The following ADAMTSL1 variants were observed in gnomAD, a reference collection of about 807,000 sequenced individuals.
ADAMTSL1 encodes the protein ADAMTS like 1, also known as ADAMTS-like protein 1.
Under a neutral mutation model 201.8 loss-of-function variants are expected in ADAMTSL1, and 126 were observed. The observed-to-expected ratio is 0.62, with a 90% CI of 0.54 to 0.72. ADAMTSL1 has a LOEUF of 0.72. Among genes scored for constraint, ADAMTSL1 ranks in the 30% least tolerant of loss-of-function variants. The pLI is 0.00. For missense variants in ADAMTSL1, 2,679 were observed against 2,277.8 expected (o/e 1.18, Z -3.59); for synonymous variants, 1,121 against 903.4 (o/e 1.24, Z -4.32).
intron 5 of ADAMTSL1, among the ~76,000 whole-genome samples, chr9:18,635,388 G>C (rs1424775692): frequency 6.6e-6 from 1 of 152,066 alleles, no homozygotes; most frequent in Non-Finnish European, 1.5e-5. Flanking sequence ...GTAGAGAAAT[G>C]TTAAGAAACA....
chr9:18,408,185 A>C (rs1390666267), intron 2 of ADAMTSL1, among the ~76,000 whole-genome samples: 1 of 152,144 alleles, frequency 6.6e-6, no homozygotes, highest in East Asian at 1.9e-4. Flanking sequence ...AAGTATATTA[A>C]GGGCCAGGCG....
chr9:18,147,570 G>A (rs1826699208), intron 1 of ADAMTSL1, among the ~76,000 whole-genome samples: 1 of 152,136 alleles, frequency 6.6e-6, no homozygotes, highest in Non-Finnish European at 1.5e-5. Flanking sequence ...GGCTACCCAA[G>A]AAGCAGATGT....
At chr9:18,258,662 A>G (rs1028598426) in intron 2 of ADAMTSL1, among the ~76,000 whole-genome samples, 27 of 152,246 alleles carry the variant, frequency 1.8e-4, no homozygotes, top group African/African-American at 6.0e-4. Context: ...CGCCCGCATC[A>G]TCGATCTTTC....
intron 2 of ADAMTSL1, among the ~76,000 whole-genome samples, chr9:18,184,647 C>A (rs13299050): frequency 0.22 from 33,629 of 152,086 alleles, 3,870 homozygotes; most frequent in Non-Finnish European, 0.26. Context: ...CCAGAGATTC[C>A]CTCAATCCAC....
chr9:18,715,846 G>A (rs1032018223), intron 14 of ADAMTSL1, among the ~76,000 whole-genome samples: 1 of 151,852 alleles, frequency 6.6e-6, no homozygotes, highest in Non-Finnish European at 1.5e-5. Context: ...ATACTACAAG[G>A]CTACAGTAAC....
At chr9:18,048,400 A>G (rs1821768470) in intron 1 of ADAMTSL1, among the ~76,000 whole-genome samples, 1 of 152,194 alleles carries the variant, frequency 6.6e-6, no homozygotes, top group African/African-American at 2.4e-5. Flanking sequence ...TGGAACAGAA[A>G]AAAATACATT....
Position 17,942,212 on chromosome 9 carries a change from T to C in ADAMTSL1, c.87+35290T>C, listed in dbSNP as rs924815903. ...TCTGTTTGGGATGATGAAAAAGTTC[T>C]GTAAATGGATGGTGATGTGATGAGT... On this transcript the variant is annotated intron_variant, in intron 1 of 29. Coordinates refer to the ADAMTSL1 transcript ENST00000680146. Among the ~76,000 whole-genome samples, 5 of 152,264 alleles carry C rather than the reference T, an allele frequency of 3.3e-5. No homozygotes were observed. The East Asian group carries it at 9.7e-4, about 29-fold the overall frequency.
rs1045985647 is a variant in ADAMTSL1, at chr9:18,314,604, G to A, written c.207+150623G>A. On this transcript the variant is annotated intron_variant, in intron 2 of 29. Transcript: ENST00000680146. ...GTTCATCCCTCCCAGTGGGTTCATG[G>A]TCTCGCTGGCCTCATGAGTGAAGCT... is the stretch of plus-strand genomic sequence containing the variant. Among the ~76,000 whole-genome samples, 5 of 151,820 alleles carry A rather than the reference G, an allele frequency of 3.3e-5. No homozygotes were observed. The South Asian group carries it at 6.4e-4, about 19-fold the overall frequency.
intron 2 of ADAMTSL1, among the ~76,000 whole-genome samples, chr9:18,335,149 C>T (rs1288786045): frequency 1.3e-5 from 2 of 152,052 alleles, no homozygotes; most frequent in East Asian, 3.9e-4. Flanking sequence ...AAAGATATGT[C>T]CTTCTTTCCA....
intron 3 of ADAMTSL1, among the ~76,000 whole-genome samples, chr9:18,556,046 C>T (rs1330893227): frequency 6.6e-6 from 1 of 151,904 alleles, no homozygotes. Flanking sequence ...CAGCTCAGCT[C>T]TCAGGATCTG....
At chr9:18,615,423 G>A (rs7868375) in intron 4 of ADAMTSL1, among the ~76,000 whole-genome samples, 15,671 of 152,198 alleles carry the variant, frequency 0.1, 900 homozygotes, top group Middle Eastern at 0.18. Context: ...TGAAACCATC[G>A]TTCATCCCTG....
Position 18,093,408 on chromosome 9 carries a change from T to C in ADAMTSL1, c.88-70454T>C, listed in dbSNP as rs1438620739. Among the ~76,000 whole-genome samples, 5 of 152,302 alleles carry C rather than the reference T, an allele frequency of 3.3e-5. No individual in the cohort carries two copies. The East Asian group carries it at 9.7e-4, about 29-fold the overall frequency. ...TTAGAATAGAATATATGCTGTGTAT[T>C]CCCCCTACTCTGTAGTTGAAAGTTA... On this transcript the variant is annotated intron_variant, in intron 1 of 29. Transcript: ENST00000680146.
rs182697874 is a variant in ADAMTSL1 at position 18,759,731 on chromosome 9, G to A, written c.2217+6223G>A. Among the ~76,000 whole-genome samples, 4 of 152,110 alleles carry A rather than the reference G, an allele frequency of 2.6e-5. No individual in the cohort carries two copies. The South Asian group carries it at 8.3e-4, about 32-fold the overall frequency. On this transcript the variant is annotated intron_variant, in intron 16 of 28. Transcript: ENST00000380548. ...TGGCATAATTGCCCTGATTTTGATG[G>A]ATGTGCAGCTGCTTGCTTCACACCA...
At position 17,998,789 on chromosome 9, in the gene ADAMTSL1, G is replaced by C. The variant is rs77363492; in HGVS notation, c.87+91867G>C. On this transcript the variant is annotated intron_variant, in intron 1 of 29. Transcript: ENST00000680146. The stretch of plus-strand genomic sequence containing the variant: ...TCTTATAAGTGAGGTGACCTATCAA[G>C]CCCTTTGCTGTGATGTCTGCTGCTT... Among the ~76,000 whole-genome samples the C allele has an allele frequency of 7.5e-3, 1,133 of 152,074 alleles. 5 individuals are homozygous for C. The highest frequency in any genetic ancestry group is 0.012 in the Non-Finnish European group (847 of 67,984).
intron 1 of ADAMTSL1, among the ~76,000 whole-genome samples, chr9:18,155,815 A>C (rs936949138): frequency 3.9e-5 from 6 of 152,052 alleles, no homozygotes; most frequent in African/African-American, 1.2e-4. Context: ...GGTCTAGTCC[A>C]ATAGTACTTG....
intron 1 of ADAMTSL1, among the ~76,000 whole-genome samples, chr9:17,915,352 A>G (rs1826052327): frequency 6.6e-6 from 1 of 152,148 alleles, no homozygotes; most frequent in African/African-American, 2.4e-5. Context: ...CCTCAGCATA[A>G]TTATTTTGAG....
intron 2 of ADAMTSL1, among the ~76,000 whole-genome samples, chr9:18,407,927 A>G (rs60919149): frequency 0.022 from 3,328 of 152,290 alleles, 127 homozygotes; most frequent in African/African-American, 0.076. Flanking sequence ...GAAGACTGCA[A>G]TGTTATAGGG....
chr9:18,237,608 G>A (rs1830897763), intron 2 of ADAMTSL1, among the ~76,000 whole-genome samples: 1 of 152,148 alleles, frequency 6.6e-6, no homozygotes. Context: ...GACTGCCTCT[G>A]AGATACAAAT....
intron 2 of ADAMTSL1, among the ~76,000 whole-genome samples, chr9:18,525,875 A>G (rs945345393): frequency 1.2e-4 from 19 of 152,166 alleles, no homozygotes; most frequent in African/African-American, 3.6e-4. Flanking sequence ...AATGTGGTCA[A>G]TTTTGGAATT....
Sources: allele counts gnomAD v4.1 joint callset (sites outside exome capture counted in the v4.1 genomes callset), GRCh38; gene constraint gnomAD v4.1.1; transcripts MANE v1.5; gene names NCBI Gene and HGNC (gene_info 2026-07-23, HGNC 2026-07-21).